ATP2C1: variants seen among roughly 807,000 people sequenced by gnomAD.
ATP2C1 encodes calcium-transporting ATPase type 2C member 1.
Under a neutral mutation model 120.5 loss-of-function variants are expected in ATP2C1, and 31 were observed. The ratio of observed to expected loss-of-function variants is 0.26; its 90% confidence interval spans 0.19 to 0.35. ATP2C1 has a LOEUF of 0.35. Among genes scored for constraint, ATP2C1 ranks in the 10% least tolerant of loss-of-function variants. ATP2C1 has a pLI of 1.00. For synonymous variants in ATP2C1, 351 were observed against 358.7 expected, an observed-to-expected ratio of 0.98 and a Z score of 0.24; for missense variants, 731 against 1,107.5, an observed-to-expected ratio of 0.66 and a Z score of 4.83.
intron 2 of ATP2C1, among the ~76,000 whole-genome samples, chr3:130,914,990 T>G (rs2058615664): frequency 6.6e-6 from 1 of 152,120 alleles, no homozygotes; most frequent in Non-Finnish European, 1.5e-5. Context: ...CTTTGACTTG[T>G]TTGTTGCTTT....
Position 130,940,773 on chromosome 3 carries a change from C to A in ATP2C1, c.422+82C>A, listed in dbSNP as rs16835441. The A allele has an allele frequency of 1.8e-3, 1,904 of 1,065,026 alleles. 24 individuals carry two copies. The African/African-American group carries it at 0.027, about 15-fold the overall frequency. 66.0% of individuals were successfully genotyped at this position (1,065,026 alleles called of 1,614,324 possible). On this transcript the variant is annotated intron_variant, in intron 7 of 27. Coordinates refer to ENST00000510168, the MANE Select transcript of ATP2C1 (RefSeq NM_001378687.1). ...GACTAGTACCGTACATATTGTTATC[C>A]CCACTTTGTCTGAACATAAGGAAGA...
intron 4 of ATP2C1, among the ~76,000 whole-genome samples, chr3:130,932,761 T>C (rs1167887321): frequency 1.3e-5 from 2 of 152,190 alleles, no homozygotes; most frequent in Non-Finnish European, 2.9e-5. Context: ...GTTGGTTTGC[T>C]AAACAAATAT....
Position 130,894,393 on chromosome 3 carries a change from G to T in ATP2C1, c.-181+56G>T. 5.2e-6 allele frequency: 6 copies of T among 1,162,010 alleles called. No homozygotes were observed. Among genetic ancestry groups the T allele is most frequent in the Non-Finnish European group, 6.4e-6 (6 of 934,048 alleles). The allele number at this position is 1,162,010 out of a possible 1,614,324, so 72.0% of individuals were successfully genotyped here. A position where few individuals can be genotyped will look rare whatever the true frequency, so the allele number is the denominator to read the frequency against. On this transcript the variant is annotated intron_variant, in intron 1 of 27. Transcript: ENST00000510168. This position sits in a 1 kb window ranked among gnomAD's most constrained non-coding sequence, Gnocchi z 4.5. ...TTCTAGAAACTTCCAGGTTCTGAAG[G>T]AAGGGGAGGTTCGGGTATCCCCTGG...
At chr3:130,918,013 A>C (rs1017006957) in intron 2 of ATP2C1, among the ~76,000 whole-genome samples, 1 of 152,140 alleles carries the variant, frequency 6.6e-6, no homozygotes, top group African/African-American at 2.4e-5. Context: ...TAAATTGTAA[A>C]AGAAATGGTT....
At chr3:130,926,882 A>T (rs79382420) in intron 2 of ATP2C1, among the ~76,000 whole-genome samples, 2 of 152,188 alleles carry the variant, frequency 1.3e-5, no homozygotes, top group Non-Finnish European at 2.9e-5. Flanking sequence ...CTTGTGTGCA[A>T]TGAAACCAGT....
At chr3:130,883,507 C>T (rs1016870167) in intron 1 of ATP2C1, among the ~76,000 whole-genome samples, 101 of 150,812 alleles carry the variant, frequency 6.7e-4, no homozygotes, top group African/African-American at 2.2e-3. Context: ...GTCACCTAGG[C>T]TGGAGTGCAG....
At chr3:130,859,325 A>C (rs563840048) in intron 1 of ATP2C1, among the ~76,000 whole-genome samples, 8 of 152,298 alleles carry the variant, frequency 5.3e-5, no homozygotes, top group Middle Eastern at 3.4e-3. Flanking sequence ...TAAAAAACAA[A>C]AGTTACATCT....
At chr3:130,949,411 C>G (rs759172340) in intron 8 of ATP2C1, among the ~76,000 whole-genome samples, 1 of 152,012 alleles carries the variant, frequency 6.6e-6, no homozygotes. Context: ...CTGTGAAGGC[C>G]GAGAGAAGTG....
chr3:130,871,073 A>G (rs560695837), intron 1 of ATP2C1, among the ~76,000 whole-genome samples: 1 of 152,358 alleles, frequency 6.6e-6, no homozygotes, highest in Admixed American at 6.5e-5. Flanking sequence ...AACATTCTTT[A>G]GCAATAAAGT....
At chr3:130,965,294 C>T (rs1288102646) in intron 14 of ATP2C1, among the ~76,000 whole-genome samples, 1 of 151,978 alleles carries the variant, frequency 6.6e-6, no homozygotes, top group East Asian at 1.9e-4. Flanking sequence ...TAATCAAATC[C>T]TACCAATTTT....
At position 130,854,747 on chromosome 3, in the gene ATP2C1, G is replaced by C. The variant is rs149292519; in HGVS notation, c.108+3819G>C. Among the ~76,000 whole-genome samples the C allele has an allele frequency of 1.8e-3, 270 of 152,296 alleles. 2 individuals carry two copies. Among genetic ancestry groups the C allele is most frequent in the Non-Finnish European group, 7.8e-4 (53 of 68,030 alleles). On this transcript the variant is annotated intron_variant, in intron 1 of 26. Transcript: ENST00000504381. ...GCTAGCACCAAACAATGAGAAGACAGTTTGTCAGCTCATGTGGGACAGTCT... is the reference window on the plus strand; with the variant it reads ...GCTAGCACCAAACAATGAGAAGACACTTTGTCAGCTCATGTGGGACAGTCT...
Position 130,997,657 on chromosome 3 carries a change from C to G in ATP2C1, c.2295C>G (p.Asn765Lys). Residue 765 changes from asparagine to lysine, a missense_variant, in exon 25 of 28, where the codon AAC becomes AAG. Around this residue, in one of 3 missense-constraint regions of ATP2C1, gnomAD observed 141 missense variants for 201.6 expected, o/e 0.70. Transcript: ENST00000510168. ...ATGTCATTCGTAAACCTCCTCGCAA[C>G]TGGAAAGACAGCATTTTGACTAAAA... Reference protein sequence around the residue: ...DKDVIRKPPRNWKDSILTKNL... With the variant: ...DKDVIRKPPRKWKDSILTKNL... The G allele has an allele frequency of 2.5e-6, 4 of 1,613,728 alleles. No individual in the cohort carries two copies. The highest frequency in any genetic ancestry group is 3.4e-6 in the Non-Finnish European group (4 of 1,179,726).
chr3:130,941,496 C>G, intron 7 of ATP2C1, 95 bp from the exon 8 acceptor site: 1 of 973,362 alleles, frequency 1.0e-6, no homozygotes, highest in East Asian at 2.5e-5. Context: ...TTATATTTGC[C>G]TTTTCCTCAG....
In ATP2C1 at chr3:130,851,764, G is replaced by A. The variant is rs963679011; in HGVS notation, c.108+836G>A. Among the ~76,000 whole-genome samples, 6 of 152,328 alleles carry A rather than the reference G, an allele frequency of 3.9e-5. No homozygotes were observed. In the East Asian group the frequency reaches 7.7e-4, roughly 20 times the overall value. ...TGGTATACAAATGTGAAGGACAAAT[G>A]TATAGCCATACCAAAGACCCAGCAG... On this transcript the variant is annotated intron_variant, in intron 1 of 26. Transcript: ENST00000504381.
At chr3:130,901,506 G>T (rs1391123282) in intron 2 of ATP2C1, among the ~76,000 whole-genome samples, 1 of 152,056 alleles carries the variant, frequency 6.6e-6, no homozygotes, top group Non-Finnish European at 1.5e-5. Flanking sequence ...GGAAAAATCA[G>T]CAGGACTTGG....
Position 130,967,310 on chromosome 3 carries a change from T to C in ATP2C1, c.1219-20T>C. ...TTAAGACACAGTGATAGGTTCATAG[T>C]TTATGTGTATTTTTCTTAGGCGGGC... On this transcript the variant is annotated intron_variant, in intron 15 of 27. Coordinates refer to ENST00000510168, the MANE Select transcript of ATP2C1 (RefSeq NM_001378687.1). The C allele has an allele frequency of 6.2e-7, 1 of 1,613,116 alleles. No individual in the cohort carries two copies. Among genetic ancestry groups the C allele is most frequent in the South Asian group, 1.1e-5 (1 of 91,060 alleles).
chr3:131,008,899 C>T, intron 26 of ATP2C1, among the ~76,000 whole-genome samples: 1 of 152,196 alleles, frequency 6.6e-6, no homozygotes, highest in East Asian at 1.9e-4. Flanking sequence ...GTTAAAACAT[C>T]ATCAACCAGG....
chr3:130,886,439 T>G (rs2107843352), intron 1 of ATP2C1, among the ~76,000 whole-genome samples: 1 of 152,306 alleles, frequency 6.6e-6, no homozygotes, highest in East Asian at 1.9e-4. Context: ...CCCCATCTTT[T>G]TCTCTACGTC....
At chr3:130,911,185 A>G (rs1454367720) in intron 2 of ATP2C1, among the ~76,000 whole-genome samples, 23 of 128,878 alleles carry the variant, frequency 1.8e-4, no homozygotes, top group Middle Eastern at 4.2e-3. Context: ...GGGAGCGTGT[A>G]TGTGTTGAGG....
Sources: gnomAD v4.1 joint callset for allele counts (sites outside exome capture counted in the v4.1 genomes callset) on GRCh38, gnomAD v4.1.1 for gene constraint, gnomAD v4.1.1 regional missense constraint, Gnocchi (gnomAD v3.1) non-coding constraint, MANE v1.5 for transcripts, NCBI Gene and HGNC (gene_info 2026-07-23, HGNC 2026-07-21) for gene names.